Variants in LRP1B observed in about 807,000 individuals in gnomAD.
LRP1B encodes low-density lipoprotein receptor-related protein 1B.
LRP1B carries 217 observed loss-of-function variants against 556.6 expected under a neutral mutation model. That is an observed-to-expected ratio of 0.39 (90% confidence interval 0.35 to 0.44). The LOEUF is 0.44. LRP1B is among the 20% of genes least tolerant of loss of function. The pLI, the probability that LRP1B is intolerant of heterozygous loss-of-function variation, is 1.00. For missense variants in LRP1B, 5,053 were observed against 5,620.8 expected, an observed-to-expected ratio of 0.90 and a Z score of 3.23; for synonymous variants, 2,047 against 1,865.8, an observed-to-expected ratio of 1.10 and a Z score of -2.50.
In LRP1B at chr2:141,931,640, G is replaced by A. The variant is rs1441603646; in HGVS notation, c.83-121239C>T. 2.0e-5 allele frequency among the ~76,000 whole-genome samples: 3 copies of A among 151,962 alleles called. No individual in the cohort carries two copies. In the East Asian group the frequency reaches 5.8e-4, roughly 29 times the overall value. ...ATCCTTTATAAAGAAGAAATTGAGG[G>A]TTTAAAAAATTTTTCATTTATTCAT... is the stretch of plus-strand genomic sequence containing the variant. On this transcript the variant is annotated intron_variant, in intron 1 of 90. Transcript: ENST00000389484.
chr2:141,075,393 A>T (rs1000163342), intron 7 of LRP1B, among the ~76,000 whole-genome samples: 2 of 152,176 alleles, frequency 1.3e-5, no homozygotes, highest in Admixed American at 6.5e-5. Flanking sequence ...TATTTTTCCC[A>T]ATAAGTCTAC....
rs963513654 is a variant in LRP1B at position 141,625,460 on chromosome 2, A to G, written c.206-144927T>C. Reference sequence around the variant, plus strand: ...ATTATGAAAACATTATCTACTCCGTACATTTTTTTCTAATGTTTCTAAACA... The same window carrying G: ...ATTATGAAAACATTATCTACTCCGTGCATTTTTTTCTAATGTTTCTAAACA... On this transcript the variant is annotated intron_variant, in intron 2 of 90. Transcript: ENST00000389484. Among the ~76,000 whole-genome samples the G allele has an allele frequency of 3.3e-5, 5 of 152,196 alleles. 1 individual carries two copies. Among genetic ancestry groups the G allele is most frequent in the Admixed American group, 2.6e-4 (4 of 15,272 alleles).
intron 71 of LRP1B, among the ~76,000 whole-genome samples, chr2:140,367,889 T>TA (rs1307941900): frequency 1.3e-5 from 2 of 151,836 alleles, no homozygotes; most frequent in Non-Finnish European, 2.9e-5. Flanking sequence ...TCAGTCTTGT[T>TA]AAAAAATGAG....
At chr2:140,974,053 T>A (rs1696516726) in intron 18 of LRP1B, among the ~76,000 whole-genome samples, 1 of 152,172 alleles carries the variant, frequency 6.6e-6, no homozygotes, top group Admixed American at 6.5e-5. Context: ...GAAGAGTTGC[T>A]TGGACATGAT....
At chr2:140,346,211 G>A (rs1573824403) in intron 77 of LRP1B, among the ~76,000 whole-genome samples, 1 of 151,598 alleles carries the variant, frequency 6.6e-6, no homozygotes, top group Non-Finnish European at 1.5e-5. Context: ...ATTTTGGCTG[G>A]TTCCCCCTAA....
At chr2:141,939,855 A>T (rs1700745139) in intron 1 of LRP1B, among the ~76,000 whole-genome samples, 2 of 152,290 alleles carry the variant, frequency 1.3e-5, no homozygotes, top group Non-Finnish European at 2.9e-5. Context: ...GTTGTTAAAC[A>T]TTTAATAGCA....
chr2:140,320,297 T>C (rs1008771745), intron 82 of LRP1B, among the ~76,000 whole-genome samples: 3 of 152,206 alleles, frequency 2.0e-5, no homozygotes, highest in Admixed American at 6.6e-5. Context: ...GCTTCGGCTC[T>C]GCATATCAAA....
chr2:140,710,166 T>C (rs1189444643), intron 37 of LRP1B, among the ~76,000 whole-genome samples: 1 of 152,042 alleles, frequency 6.6e-6, no homozygotes, highest in Non-Finnish European at 1.5e-5. Flanking sequence ...ATCAAAAATA[T>C]TTACTGAGAT....
intron 1 of LRP1B, among the ~76,000 whole-genome samples, chr2:141,928,555 C>T (rs1700400258): frequency 6.6e-6 from 1 of 152,122 alleles, no homozygotes; most frequent in Non-Finnish European, 1.5e-5. Context: ...ACTGCTATCA[C>T]ATGTACATCT....
chr2:140,769,504 T>G (rs1689231456), intron 34 of LRP1B, among the ~76,000 whole-genome samples, 160 bp from the exon 35 acceptor site: 1 of 152,016 alleles, frequency 6.6e-6, no homozygotes, highest in Non-Finnish European at 1.5e-5. Flanking sequence ...ACTTCCTGAC[T>G]AACGAAAGGT....
intron 2 of LRP1B, among the ~76,000 whole-genome samples, chr2:141,669,969 G>T (rs935439620): frequency 6.6e-6 from 1 of 152,036 alleles, no homozygotes; most frequent in Non-Finnish European, 1.5e-5. Flanking sequence ...TGGTCAGGCT[G>T]GTCTCGAACT....
intron 7 of LRP1B, among the ~76,000 whole-genome samples, chr2:141,065,644 C>CAATT (rs1249949424): frequency 4.6e-5 from 7 of 151,778 alleles, no homozygotes; most frequent in Admixed American, 4.0e-4. Flanking sequence ...AACTGAAATG[C>CAATT]AATGATTTTG....
intron 1 of LRP1B, among the ~76,000 whole-genome samples, chr2:142,081,929 G>T (rs912865721): frequency 6.6e-6 from 1 of 152,158 alleles, no homozygotes; most frequent in South Asian, 2.1e-4. Flanking sequence ...ACCTGGAAAA[G>T]GTTAAGTAAC....
At chr2:140,385,770 T>C (rs1683731589) in intron 67 of LRP1B, 123 bp downstream of exon 67, 14 of 701,934 alleles carry the variant, frequency 2.0e-5, no homozygotes, top group Non-Finnish European at 3.6e-5. Context: ...AATGTGAATA[T>C]ATGCATAAAA....
In LRP1B at chr2:141,624,015, CA is replaced by C. The variant is rs1288395812; in HGVS notation, c.206-143483del. 4.5e-3 allele frequency among the ~76,000 whole-genome samples: 48 copies of C among 10,778 alleles called. 1 individual carries two copies. Among genetic ancestry groups the C allele is most frequent in the Non-Finnish European group, 8.9e-3 (22 of 2,466 alleles). 7.1% of individuals were successfully genotyped at this position (10,778 alleles called of 152,430 possible). Reference sequence around the variant, plus strand: ...TGGGCAACAGAGCAGAACTCCAACTCAAAAAAAAAAAAAAATTAAACAAAAA... The same window carrying C: ...TGGGCAACAGAGCAGAACTCCAACTCAAAAAAAAAAAAAATTAAACAAAAA... On this transcript the variant is annotated intron_variant, in intron 2 of 90. Transcript: ENST00000389484.
intron 3 of LRP1B, among the ~76,000 whole-genome samples, chr2:141,346,413 T>C (rs1285860220): frequency 2.0e-5 from 3 of 152,134 alleles, no homozygotes; most frequent in Non-Finnish European, 4.4e-5. Context: ...GATCCTCTCC[T>C]GGGCAGTGCA....
intron 86 of LRP1B, among the ~76,000 whole-genome samples, chr2:140,257,256 A>G (rs1681735694): frequency 6.6e-6 from 1 of 152,162 alleles, no homozygotes; most frequent in Non-Finnish European, 1.5e-5. Context: ...CTGAAATATG[A>G]GGTGGTTTAT....
At chr2:141,545,802 G>A (rs144285704) in intron 2 of LRP1B, among the ~76,000 whole-genome samples, 286 of 152,256 alleles carry the variant, frequency 1.9e-3, no homozygotes, top group African/African-American at 6.6e-3. Context: ...AAAAGGCCAT[G>A]AGAGAAGGAA....
At chr2:140,817,855 C>A (rs1691181734) in intron 31 of LRP1B, among the ~76,000 whole-genome samples, 1 of 151,834 alleles carries the variant, frequency 6.6e-6, no homozygotes, top group Admixed American at 6.6e-5. Flanking sequence ...AATACATTTC[C>A]ATCACTTAGC....
Sources: gnomAD v4.1 joint callset for allele counts (sites outside exome capture counted in the v4.1 genomes callset) on GRCh38, gnomAD v4.1.1 for gene constraint, MANE v1.5 for transcripts, NCBI Gene and HGNC (gene_info 2026-07-23, HGNC 2026-07-21) for gene names.